The following DYNC2I1 variants were observed in gnomAD, a reference collection of about 807,000 sequenced individuals.
DYNC2I1 encodes dynein 2 intermediate chain 1, also known as cytoplasmic dynein 2 intermediate chain 1.
A neutral mutation model predicts 133.4 loss-of-function variants in DYNC2I1; 89 were observed. The ratio of observed to expected loss-of-function variants is 0.67; its 90% confidence interval spans 0.56 to 0.80. The LOEUF (loss-of-function observed/expected upper bound fraction) is 0.80. Ranked by LOEUF, DYNC2I1 falls within the 30% of genes least tolerant of loss-of-function variation. The pLI, the probability that DYNC2I1 is intolerant of heterozygous loss-of-function variation, is 0.00. For missense variants in DYNC2I1, 1,291 were observed against 1,314.5 expected, an observed-to-expected ratio of 0.98 and a Z score of 0.28; for synonymous variants, 504 against 484.3, an observed-to-expected ratio of 1.04 and a Z score of -0.54.
At chr7:158,858,786 T>C (rs1183823163) in intron 1 of DYNC2I1, among the ~76,000 whole-genome samples, 1 of 149,382 alleles carries the variant, frequency 6.7e-6, no homozygotes, top group Non-Finnish European at 1.5e-5. Context: ...TCTCCATGCT[T>C]TTTCCAGTGG....
At chr7:158,858,419 G>T (rs560629765) in intron 1 of DYNC2I1, among the ~76,000 whole-genome samples, 14 of 152,280 alleles carry the variant, frequency 9.2e-5, no homozygotes, top group African/African-American at 3.4e-4. Context: ...TGGTGTCAGG[G>T]TCAAAGGGGT....
chr7:158,952,420 A>G (rs1852081078), intron 4 of DYNC2I1, among the ~76,000 whole-genome samples: 1 of 152,206 alleles, frequency 6.6e-6, no homozygotes, highest in South Asian at 2.1e-4. Context: ...GGGTGCAAGA[A>G]GCTTCCTAGG....
Position 158,922,511 on chromosome 7 carries a change from C to T in DYNC2I1, c.2056C>T (p.Pro686Ser), listed in dbSNP as rs1431821696. 3.1e-6 allele frequency: 5 copies of T among 1,613,922 alleles called. No individual in the cohort carries two copies. The East Asian group carries it at 1.1e-4, about 36-fold the overall frequency. Reference protein sequence around the residue: ...YVLCVWDIWQPSGPQKVLICE... With the variant: ...YVLCVWDIWQSSGPQKVLICE... ...CCTCTGTGTGTGGGATATTTGGCAG[C>T]CTTCAGGGCCACAGAAAGTTCTGAT... The change falls in exon 16 of 25, where the codon CCT becomes TCT. Residue 686 changes from proline (P) to serine (S), a missense_variant. Pro to Ser is a moderately conservative substitution (Grantham distance 74). Transcript: ENST00000407559.
chr7:158,949,802 G>A (rs925357905), downstream of DYNC2I1, among the ~76,000 whole-genome samples: 4 of 149,740 alleles, frequency 2.7e-5, no homozygotes, highest in South Asian at 4.2e-4. Context: ...ACGGAGTTTC[G>A]CTCTCCTTGT....
At chr7:158,863,786 G>A (rs1310338832) in intron 1 of DYNC2I1, among the ~76,000 whole-genome samples, 1 of 107,932 alleles carries the variant, frequency 9.3e-6, no homozygotes, top group Admixed American at 8.5e-5. Flanking sequence ...GTGTGGGGGC[G>A]GGGGGGAGCG....
Position 158,923,734 on chromosome 7 carries a change from G to A in DYNC2I1, c.2257+1G>A, listed in dbSNP as rs367599281. ...TTCCGGACCGCCACGTTTTCCACCG[G>A]TCAGTGTCATCTGCCTGCCAATTGT... On this transcript the variant is annotated splice_donor_variant, in intron 17 of 24. Transcript: ENST00000407559. LOFTEE classifies it high-confidence loss of function. The A allele has an allele frequency of 1.8e-5, 29 of 1,604,564 alleles. No individual in the cohort carries two copies. The highest frequency in any genetic ancestry group is 8.5e-5 in the Admixed American group (5 of 59,140).
At chr7:158,842,872 T>C in the DYNC2I1 span, among the ~76,000 whole-genome samples, 3 of 152,336 alleles carry the variant, frequency 2.0e-5, no homozygotes, top group East Asian at 3.9e-4. Context: ...CCATGTTGTG[T>C]ATCTGTATTT....
downstream of DYNC2I1, among the ~76,000 whole-genome samples, chr7:158,946,608 G>C (rs963562006): frequency 6.6e-6 from 1 of 152,282 alleles, no homozygotes. Flanking sequence ...CTAGGGCTCT[G>C]CGTCTCAAAG....
chr7:158,905,979 C>T lies in DYNC2I1; in HGVS notation c.1358-10C>T. 1.2e-6 allele frequency: 2 copies of T among 1,608,130 alleles called. No homozygotes were observed. The highest frequency in any genetic ancestry group is 1.7e-6 in the Non-Finnish European group (2 of 1,177,104). On this transcript the variant is annotated splice_polypyrimidine_tract_variant and intron_variant, in intron 10 of 24. Transcript: ENST00000407559. ...GTGTTGGAAAAATAGTGTTTTTCTC[C>T]CTCACACAGATACAAACAGTTCCCC...
chr7:158,935,631 C>T (rs1198742228), intron 23 of DYNC2I1, among the ~76,000 whole-genome samples: 2 of 152,134 alleles, frequency 1.3e-5, no homozygotes, highest in Admixed American at 6.6e-5. Context: ...TTTGTATTTC[C>T]AAAGACTGCA....
At chr7:158,840,333 A>C in the DYNC2I1 span, among the ~76,000 whole-genome samples, 1 of 152,202 alleles carries the variant, frequency 6.6e-6, no homozygotes, top group Non-Finnish European at 1.5e-5. Context: ...TGGGAGGCCA[A>C]GGCAGGTGGA....
chr7:158,888,064 G>A (rs1249089772), intron 7 of DYNC2I1, among the ~76,000 whole-genome samples: 1 of 117,236 alleles, frequency 8.5e-6, no homozygotes, highest in Non-Finnish European at 1.6e-5. Flanking sequence ...TCACTCTGTT[G>A]CCCAGGCTGG....
chr7:158,957,702 G>A (rs1852234231), downstream of DYNC2I1, among the ~76,000 whole-genome samples: 1 of 152,276 alleles, frequency 6.6e-6, no homozygotes, highest in South Asian at 2.1e-4. Flanking sequence ...CCGAGGCCTG[G>A]AGTCCCTGAG....
intron 10 of DYNC2I1, 62 bp from the exon 11 acceptor site, chr7:158,905,927 A>T (rs193276378): frequency 4.5e-6 from 6 of 1,321,694 alleles, no homozygotes; most frequent in Non-Finnish European, 3.2e-6. Context: ...TACTCCAGAT[A>T]TTTTTTTGCT....
At chr7:158,869,317 G>A (rs771082443) in intron 1 of DYNC2I1, 3 of 366,582 alleles carry the variant, frequency 8.2e-6, no homozygotes, top group Non-Finnish European at 1.6e-5. Context: ...CATCTGCAGG[G>A]GCCTCTCCCC....
At chr7:158,870,743 A>G (rs1276176258) in intron 2 of DYNC2I1, among the ~76,000 whole-genome samples, 1 of 152,042 alleles carries the variant, frequency 6.6e-6, no homozygotes, top group Non-Finnish European at 1.5e-5. Context: ...TCTTACATGC[A>G]TATCTTGTGG....
chr7:158,865,458 A>AG (rs1349619415), intron 1 of DYNC2I1, among the ~76,000 whole-genome samples: 1 of 152,242 alleles, frequency 6.6e-6, no homozygotes, highest in Non-Finnish European at 1.5e-5. Context: ...ATCGAGGGAC[A>AG]GAGGCCCTGG....
chr7:158,878,350 G>C lies in DYNC2I1; in HGVS notation c.574-1334G>C, dbSNP rs530656432. Among the ~76,000 whole-genome samples, 7 of 145,546 alleles carry C rather than the reference G, an allele frequency of 4.8e-5. No individual in the cohort carries two copies. The East Asian group carries it at 1.5e-3, about 32-fold the overall frequency. On this transcript the variant is annotated intron_variant, in intron 4 of 24. Coordinates refer to ENST00000407559, the MANE Select transcript of DYNC2I1 (RefSeq NM_018051.5). ...ACTGTGAGTGCCGGGCACCATGTGG[G>C]GAGGCGAGGAGGGGAGGCCAGGAGG...
rs757387121 is a variant in DYNC2I1, at chr7:158,918,911, A to G, written c.1921+42A>G. 6 of 1,589,006 alleles carry G rather than the reference A, an allele frequency of 3.8e-6. No individual in the cohort carries two copies. The South Asian group carries it at 6.7e-5, about 18-fold the overall frequency. On this transcript the variant is annotated intron_variant, in intron 15 of 24. Transcript: ENST00000407559. ...AAATATGATTTTAAATCCAGTGACT[A>G]AACATTCATGTTGAAATAATACTCT... is the stretch of plus-strand genomic sequence containing the variant.
Sources: gnomAD v4.1 joint callset for allele counts (sites outside exome capture counted in the v4.1 genomes callset) on GRCh38, gnomAD v4.1.1 for gene constraint, MANE v1.5 for transcripts, NCBI Gene and HGNC (gene_info 2026-07-23, HGNC 2026-07-21) for gene names.